The following PRKN variants were observed in gnomAD, a reference collection of about 807,000 sequenced individuals.
PRKN encodes the protein E3 ubiquitin-protein ligase parkin.
PRKN carries 56 observed loss-of-function variants against 59.5 expected under a neutral mutation model. The observed-to-expected ratio is 0.94, with a 90% CI of 0.76 to 1.18. The LOEUF (loss-of-function observed/expected upper bound fraction) is 1.18, where lower values mean the gene tolerates loss of function less well. Among genes scored for constraint, PRKN ranks in the 50% most tolerant of loss-of-function variants. The pLI, the probability that PRKN is intolerant of heterozygous loss-of-function variation, is 0.00. For synonymous variants in PRKN, 250 were observed against 222.1 expected (o/e 1.13, Z -1.12); for missense variants, 657 against 596.4 (o/e 1.10, Z -1.06).
intron 9 of PRKN, among the ~76,000 whole-genome samples, chr6:161,389,689 C>A (rs62435890): frequency 0.053 from 8,136 of 152,228 alleles, 309 homozygotes; most frequent in Non-Finnish European, 0.081. Flanking sequence ...AAAATGTGGA[C>A]GGGAGGCCCA....
chr6:161,655,986 G>A (rs1784336650), intron 7 of PRKN, among the ~76,000 whole-genome samples: 1 of 150,560 alleles, frequency 6.6e-6, no homozygotes, highest in South Asian at 2.1e-4. Flanking sequence ...GAAAGCAACT[G>A]AGCATCTTCC....
chr6:162,093,670 T>C (rs181807051), intron 4 of PRKN, among the ~76,000 whole-genome samples: 21 of 152,308 alleles, frequency 1.4e-4, no homozygotes, highest in African/African-American at 4.8e-4. Flanking sequence ...TAAACATTTA[T>C]GTGAAGTAGT....
intron 6 of PRKN, among the ~76,000 whole-genome samples, chr6:161,956,273 A>G (rs912404281): frequency 4.6e-5 from 7 of 152,186 alleles, no homozygotes; most frequent in African/African-American, 1.7e-4. Flanking sequence ...TCCATGGAAA[A>G]TGTTCACCAA....
chr6:162,306,018 T>G lies in PRKN; in HGVS notation c.172-43253A>C, dbSNP rs186347099. On this transcript the variant is annotated intron_variant, in intron 2 of 11. Transcript: ENST00000366898. ...ACAATGGAAATAAAAAAGAAGTTCT[T>G]AGGACCAAATCTTCTATAACCTTAT... 3.8e-3 allele frequency among the ~76,000 whole-genome samples: 584 copies of G among 152,280 alleles called. 2 individuals carry two copies. Among genetic ancestry groups the G allele is most frequent in the Non-Finnish European group, 5.6e-3 (382 of 68,016 alleles).
At chr6:162,115,580 T>G (rs1780636818) in intron 4 of PRKN, among the ~76,000 whole-genome samples, 1 of 151,146 alleles carries the variant, frequency 6.6e-6, no homozygotes, top group African/African-American at 2.4e-5. Context: ...CAAATGAGAT[T>G]TTAAAATATT....
At chr6:161,842,634 A>AT (rs1292856864) in intron 6 of PRKN, among the ~76,000 whole-genome samples, 1 of 151,486 alleles carries the variant, frequency 6.6e-6, no homozygotes, top group African/African-American at 2.4e-5. Flanking sequence ...GCACGATCTC[A>AT]GCTCACTGCA....
intron 9 of PRKN, among the ~76,000 whole-genome samples, chr6:161,513,101 T>C (rs1011388385): frequency 6.6e-6 from 1 of 152,252 alleles, no homozygotes; most frequent in Non-Finnish European, 1.5e-5. Flanking sequence ...AGCAGATGTT[T>C]AGGAGTTTCC....
intron 2 of PRKN, among the ~76,000 whole-genome samples, chr6:162,404,379 A>AG (rs1554316058): frequency 1.3e-5 from 2 of 151,694 alleles, no homozygotes; most frequent in African/African-American, 2.4e-5. Context: ...GAAAAAAAAA[A>AG]AAAGAAAGAA....
intron 2 of PRKN, among the ~76,000 whole-genome samples, chr6:162,312,884 A>G (rs1301494469): frequency 6.6e-6 from 1 of 152,120 alleles, no homozygotes; most frequent in Admixed American, 6.5e-5. Flanking sequence ...AGTGAAGGTA[A>G]TTTTAAATAT....
At chr6:161,780,690 G>A (rs1790166319) in intron 7 of PRKN, among the ~76,000 whole-genome samples, 1 of 152,234 alleles carries the variant, frequency 6.6e-6, no homozygotes. Flanking sequence ...CAACACTGAC[G>A]ATGTCGGTAC....
At chr6:162,623,179 G>C (rs1782747438) in intron 1 of PRKN, among the ~76,000 whole-genome samples, 1 of 152,142 alleles carries the variant, frequency 6.6e-6, no homozygotes, top group Non-Finnish European at 1.5e-5. Context: ...GCTGATAACA[G>C]AATTCACTCG....
intron 7 of PRKN, among the ~76,000 whole-genome samples, chr6:161,636,540 A>G (rs1783528632): frequency 2.0e-5 from 3 of 152,178 alleles, no homozygotes; most frequent in African/African-American, 7.2e-5. Context: ...TGCCCCTTTG[A>G]TACAGAGTTC....
At chr6:161,745,755 A>T (rs1196723802) in intron 7 of PRKN, among the ~76,000 whole-genome samples, 1 of 152,226 alleles carries the variant, frequency 6.6e-6, no homozygotes, top group East Asian at 1.9e-4. Flanking sequence ...ATCAAAGCTG[A>T]GCAAATGTCT....
At chr6:161,557,157 C>T (rs1376331236) in intron 8 of PRKN, among the ~76,000 whole-genome samples, 6 of 152,182 alleles carry the variant, frequency 3.9e-5, no homozygotes, top group South Asian at 2.1e-4. Flanking sequence ...CATTAGTATG[C>T]GTTATGCAGG....
intron 2 of PRKN, among the ~76,000 whole-genome samples, chr6:162,285,688 G>C (rs1172107539): frequency 6.6e-6 from 1 of 152,068 alleles, no homozygotes; most frequent in Non-Finnish European, 1.5e-5. Context: ...AGAGACAGCT[G>C]GCACCTCATC....
rs1264409360 is a variant in PRKN, at chr6:161,440,086, G to C, written c.1084-53209C>G. On this transcript the variant is annotated intron_variant, in intron 9 of 11. Coordinates refer to ENST00000366898, the MANE Select transcript of PRKN (RefSeq NM_004562.3). The surrounding 1 kb of genome is among the most constrained non-coding windows in gnomAD (Gnocchi z 4.1). ...CTGCCTCAGCCTCCTGAGTAGCTGG[G>C]ACTACAGGCGCCCACCACCACGCCC... Among the ~76,000 whole-genome samples, 1 of 151,814 alleles carries C rather than the reference G, an allele frequency of 6.6e-6. No individual in the cohort carries two copies. The highest frequency in any genetic ancestry group is 1.5e-5 in the Non-Finnish European group (1 of 67,964).
Position 162,229,781 on chromosome 6 carries a change from A to T in PRKN, c.413-28529T>A, listed in dbSNP as rs557030715. ...CGACTTAGAGAAGCCTTTCAGAAAT[A>T]GTCTGTTTTTGTACAAACGACCAAT... On this transcript the variant is annotated intron_variant, in intron 3 of 11. Transcript: ENST00000366898. 7.2e-5 allele frequency among the ~76,000 whole-genome samples: 11 copies of T among 152,336 alleles called. No individual in the cohort carries two copies. The East Asian group carries it at 2.1e-3, about 29-fold the overall frequency.
chr6:161,636,467 T>G (rs1184720931), intron 7 of PRKN, among the ~76,000 whole-genome samples: 1 of 152,194 alleles, frequency 6.6e-6, no homozygotes, highest in South Asian at 2.1e-4. Context: ...TGGTGAACAG[T>G]CATGGCATGG....
At chr6:162,142,646 C>T (rs1316782404) in intron 4 of PRKN, among the ~76,000 whole-genome samples, 1 of 152,168 alleles carries the variant, frequency 6.6e-6, no homozygotes, top group Non-Finnish European at 1.5e-5. Context: ...AATATTTGTA[C>T]AGCATTGCCC....
Sources: gnomAD v4.1 joint callset for allele counts (sites outside exome capture counted in the v4.1 genomes callset) on GRCh38, gnomAD v4.1.1 for gene constraint, Gnocchi (gnomAD v3.1) non-coding constraint, MANE v1.5 for transcripts, NCBI Gene and HGNC (gene_info 2026-07-23, HGNC 2026-07-21) for gene names.